The following AJAP1 variants were observed in gnomAD, a reference collection of about 807,000 sequenced individuals.
AJAP1 encodes adherens junctions associated protein 1, also known as adherens junction-associated protein 1.
AJAP1 carries 5 observed loss-of-function variants against 35.0 expected under a neutral mutation model. The observed-to-expected ratio is 0.14, with a 90% CI of 0.07 to 0.30. The LOEUF is 0.30. AJAP1 is among the 10% of genes least tolerant of loss of function. The pLI is 1.00. For missense variants in AJAP1, 586 were observed against 571.0 expected, an observed-to-expected ratio of 1.03 and a Z score of -0.27; for synonymous variants, 284 against 249.3, an observed-to-expected ratio of 1.14 and a Z score of -1.31.
intron 2 of AJAP1, among the ~76,000 whole-genome samples, chr1:4,715,158 C>T (rs1337915073): frequency 1.3e-5 from 2 of 152,192 alleles, no homozygotes; most frequent in East Asian, 1.9e-4. Context: ...CCTGCGCCCC[C>T]AACATTTGGT....
At chr1:4,736,103 G>A (rs1640917579) in intron 2 of AJAP1, among the ~76,000 whole-genome samples, 1 of 152,254 alleles carries the variant, frequency 6.6e-6, no homozygotes, top group African/African-American at 2.4e-5. Flanking sequence ...AGGAGAAAAA[G>A]TTAATGTTTG....
At chr1:4,690,396 G>A (rs528149838) in intron 1 of AJAP1, among the ~76,000 whole-genome samples, 5 of 152,272 alleles carry the variant, frequency 3.3e-5, no homozygotes, top group South Asian at 2.1e-4. Flanking sequence ...ATGGGAGCCC[G>A]TGGAATGGCC....
intron 1 of AJAP1, among the ~76,000 whole-genome samples, chr1:4,682,846 G>A (rs1387965535): frequency 4.6e-5 from 7 of 152,162 alleles, no homozygotes; most frequent in African/African-American, 1.7e-4. Flanking sequence ...TGATGGTGAT[G>A]ATGGTGATGG....
rs1219951536 is a variant in AJAP1 at position 4,692,429 on chromosome 1, T to C, written c.30-19471T>C. On this transcript the variant is annotated intron_variant, in intron 1 of 5. Coordinates refer to ENST00000378191, the MANE Select transcript of AJAP1 (RefSeq NM_018836.4). This position sits in a 1 kb window ranked among gnomAD's most constrained non-coding sequence, Gnocchi z 4.4. ...CAGAGGGATATAGCCTCCGTGGGAC[T>C]CATCATTACGAGGACTTGTAATTGC... 6.6e-6 allele frequency among the ~76,000 whole-genome samples: 1 copy of C among 152,132 alleles called. No individual in the cohort carries two copies. The highest frequency in any genetic ancestry group is 2.4e-5 in the African/African-American group (1 of 41,418).
chr1:4,696,932 T>C (rs1040204955), intron 1 of AJAP1, among the ~76,000 whole-genome samples: 1 of 152,132 alleles, frequency 6.6e-6, no homozygotes, highest in Non-Finnish European at 1.5e-5. Context: ...TCTGTGTGCG[T>C]GTGTGTCTCT....
Position 4,688,761 on chromosome 1 carries a change from G to T in AJAP1, c.30-23139G>T, listed in dbSNP as rs1452659582. 4.8e-5 allele frequency among the ~76,000 whole-genome samples: 6 copies of T among 126,208 alleles called. No individual in the cohort carries two copies. The Admixed American group carries it at 5.4e-4, about 11-fold the overall frequency. 82.8% of individuals were successfully genotyped at this position (126,208 alleles called of 152,430 possible). ...CACTCCAGCCTAGGTGACAGAGTGAGACTCCGTCTCAAAAAAAAAAAAAAA... is the reference window on the plus strand; with the variant it reads ...CACTCCAGCCTAGGTGACAGAGTGATACTCCGTCTCAAAAAAAAAAAAAAA... On this transcript the variant is annotated intron_variant, in intron 1 of 5. Transcript: ENST00000378191.
At chr1:4,687,453 G>A (rs1020507992) in intron 1 of AJAP1, among the ~76,000 whole-genome samples, 8 of 152,196 alleles carry the variant, frequency 5.3e-5, no homozygotes, top group Non-Finnish European at 7.3e-5. Flanking sequence ...GCCTTGGTCC[G>A]GGCAGCCTGG....
rs1642238619 is a variant in AJAP1 at position 4,790,940 on chromosome 1, G to GTT, written c.*8459_*8460dup. 1 of 150,480 alleles carries GTT rather than the reference G, an allele frequency of 6.6e-6. No homozygotes were observed. The highest frequency in any genetic ancestry group is 1.5e-5 in the Non-Finnish European group (1 of 67,642). 9.3% of individuals were successfully genotyped at this position (150,480 alleles called of 1,614,324 possible). The stretch of plus-strand genomic sequence containing the variant: ...TTTTTTTGTTTTTGTTTTTGTTTTT[G>GTT]TTTTTGTTTTTGTTTTGTTTAATTT... On this transcript the variant is annotated 3_prime_UTR_variant, in exon 6 of 6. Coordinates refer to ENST00000378191, the MANE Select transcript of AJAP1 (RefSeq NM_018836.4).
intron 1 of AJAP1, among the ~76,000 whole-genome samples, chr1:4,708,582 A>G (rs1444200440): frequency 6.6e-6 from 1 of 152,206 alleles, no homozygotes; most frequent in Non-Finnish European, 1.5e-5. Flanking sequence ...GAGCCGCCCA[A>G]GGGATGAGGA....
At position 4,656,117 on chromosome 1, in the gene AJAP1, G is replaced by A. The variant is rs1417571793; in HGVS notation, c.29+663G>A. On this transcript the variant is annotated intron_variant, in intron 1 of 5. Transcript: ENST00000378191. The surrounding 1 kb of genome is among the most constrained non-coding windows in gnomAD (Gnocchi z 5.7). ...CGGCCACCCCGCTGTAAACACACAC[G>A]CACATACGCCCGCCGGCGCGCCCGG... Among the ~76,000 whole-genome samples the A allele has an allele frequency of 6.6e-6, 1 of 151,552 alleles. No homozygotes were observed. The highest frequency in any genetic ancestry group is 2.4e-5 in the African/African-American group (1 of 41,220).
chr1:4,670,127 C>A (rs1639217901), intron 1 of AJAP1, among the ~76,000 whole-genome samples: 1 of 152,132 alleles, frequency 6.6e-6, no homozygotes, highest in Admixed American at 6.5e-5. Context: ...GGTGGCTGCC[C>A]AGCAACAGAG....
At chr1:4,774,966 C>T (rs1230658252) in intron 5 of AJAP1, among the ~76,000 whole-genome samples, 2 of 152,088 alleles carry the variant, frequency 1.3e-5, no homozygotes, top group Non-Finnish European at 2.9e-5. Flanking sequence ...AGGCAGGAAT[C>T]GCACCTCCAT....
intron 2 of AJAP1, among the ~76,000 whole-genome samples, chr1:4,758,402 A>G (rs1415979559): frequency 6.6e-6 from 1 of 152,194 alleles, no homozygotes; most frequent in African/African-American, 2.4e-5. Flanking sequence ...ATCAACTCAC[A>G]GTTCTGCATG....
At chr1:4,778,606 T>C in intron 5 of AJAP1, among the ~76,000 whole-genome samples, 1 of 143,026 alleles carries the variant, frequency 7.0e-6, no homozygotes, top group Admixed American at 7.1e-5. Flanking sequence ...TCTCTCTCTC[T>C]CTCTCTCTTC....
chr1:4,709,217 G>A lies in AJAP1; in HGVS notation c.30-2683G>A, dbSNP rs527653659. Among the ~76,000 whole-genome samples, 6 of 150,756 alleles carry A rather than the reference G, an allele frequency of 4.0e-5. No individual in the cohort carries two copies. The East Asian group carries it at 1.2e-3, about 30-fold the overall frequency. The stretch of plus-strand genomic sequence containing the variant: ...CTTTTGATTCAGCCTGCCTGGTGGG[G>A]GCTGGTGGGGGCTGGTGGGGCCTGG... On this transcript the variant is annotated intron_variant, in intron 1 of 5. Transcript: ENST00000378191.
chr1:4,683,981 G>T (rs1457216891), intron 1 of AJAP1, among the ~76,000 whole-genome samples: 2 of 152,336 alleles, frequency 1.3e-5, no homozygotes, highest in African/African-American at 4.8e-5. Context: ...AGGGCAGGGT[G>T]AGAGGGAGGC....
chr1:4,739,950 C>G (rs1641019240), intron 2 of AJAP1, among the ~76,000 whole-genome samples: 3 of 152,170 alleles, frequency 2.0e-5, no homozygotes, highest in Admixed American at 2.0e-4. Context: ...GGCTTCCCAC[C>G]ATGGTGGCCA....
Position 4,698,186 on chromosome 1 carries a change from A to G in AJAP1, c.30-13714A>G, listed in dbSNP as rs189702637. On this transcript the variant is annotated intron_variant, in intron 1 of 5. Transcript: ENST00000378191. ...CGTGCCAGCGTGTTTCCCCGTCACT[A>G]TGTTCTTTGCTCGTCACCATGAATG... 8.4e-4 allele frequency among the ~76,000 whole-genome samples: 128 copies of G among 152,074 alleles called. 1 individual carries two copies. Among genetic ancestry groups the G allele is most frequent in the African/African-American group, 2.8e-3 (115 of 41,492 alleles).
chr1:4,691,612 G>A (rs1241901214), intron 1 of AJAP1, among the ~76,000 whole-genome samples: 1 of 152,174 alleles, frequency 6.6e-6, no homozygotes, highest in East Asian at 1.9e-4. Flanking sequence ...CCGGGCTCGG[G>A]GAACACCCGG....
Sources: allele counts gnomAD v4.1 joint callset (sites outside exome capture counted in the v4.1 genomes callset), GRCh38; gene constraint gnomAD v4.1.1; non-coding constraint Gnocchi (gnomAD v3.1); transcripts MANE v1.5; gene names NCBI Gene and HGNC (gene_info 2026-07-23, HGNC 2026-07-21).